GABRP: variants seen among roughly 807,000 people sequenced by gnomAD.
GABRP encodes gamma-aminobutyric acid type A receptor subunit pi.
A neutral mutation model predicts 47.8 loss-of-function variants in GABRP; 52 were observed. The observed-to-expected ratio is 1.09, with a 90% CI of 0.87 to 1.37. The LOEUF is 1.37. GABRP is among the 40% of genes most tolerant of loss of function. GABRP has a pLI of 0.00. For synonymous variants in GABRP, 221 were observed against 205.8 expected, an observed-to-expected ratio of 1.07 and a Z score of -0.63; for missense variants, 525 against 542.8, an observed-to-expected ratio of 0.97 and a Z score of 0.33.
rs751847592 is a variant in GABRP, at chr5:170,805,853, G to A, written c.679G>A (p.Gly227Arg). Reference sequence around the variant, plus strand: ...AGTCACCAGATCGCAGCAGGAGACAGGTAACTCATGTGACAAACTGTATGA... The same window carrying A: ...AGTCACCAGATCGCAGCAGGAGACAAGTAACTCATGTGACAAACTGTATGA... The part of the protein sequence containing the change: ...TLVTRSQQET[G>R]NYTRLVLQFE... Residue 227 changes from glycine (G) to arginine (R), a missense_variant and splice_region_variant, in exon 7 of 10, where the codon GGA becomes AGA. Physicochemically the swap from Gly to Arg is moderately radical, Grantham distance 125. Transcript: ENST00000265294. 8 of 1,613,678 alleles carry A rather than the reference G, an allele frequency of 5.0e-6. No homozygotes were observed. The highest frequency in any genetic ancestry group is 2.2e-5 in the South Asian group (2 of 90,994).
intron 6 of GABRP, among the ~76,000 whole-genome samples, chr5:170,797,859 C>CA (rs1175643570): frequency 5.9e-5 from 9 of 152,188 alleles, no homozygotes. Flanking sequence ...CTGGTGTGCC[C>CA]AATCCAGCCC....
intron 1 of GABRP, among the ~76,000 whole-genome samples, chr5:170,786,500 G>A (rs576315912): frequency 3.7e-4 from 56 of 152,318 alleles, no homozygotes; most frequent in Non-Finnish European, 1.3e-4. Flanking sequence ...GAGACACCTT[G>A]CAGCCATTAG....
intron 3 of GABRP, 130 bp from the exon 4 acceptor site, chr5:170,794,101 T>C: frequency 2.0e-6 from 1 of 489,376 alleles, no homozygotes; most frequent in South Asian, 6.3e-5. Flanking sequence ...TTTATATTTA[T>C]AGAATATTTA....
At chr5:170,795,134 C>A in intron 4 of GABRP, 74 bp from the exon 5 acceptor site, 2 of 1,061,164 alleles carry the variant, frequency 1.9e-6, no homozygotes, top group Non-Finnish European at 2.9e-6. Context: ...AAACTTTGAC[C>A]ACTTTCCTCC....
At chr5:170,797,577 A>T (rs764666839) in intron 6 of GABRP, 29 bp downstream of exon 6, 5 of 1,413,954 alleles carry the variant, frequency 3.5e-6, no homozygotes, top group Non-Finnish European at 5.0e-6. Flanking sequence ...GGCTCCTGAG[A>T]TGATTTTCCT....
chr5:170,805,775 G>A lies in GABRP; in HGVS notation c.601G>A (p.Gly201Arg). 6.2e-7 allele frequency: 1 copy of A among 1,614,156 alleles called. No homozygotes were observed. The highest frequency in any genetic ancestry group is 8.5e-7 in the Non-Finnish European group (1 of 1,180,022). Residue 201 changes from glycine (G) to arginine (R), a missense_variant, in exon 7 of 10, where the codon GGA (glycine) becomes AGA (arginine). Gly to Arg is a moderately radical substitution (Grantham distance 125). Coordinates refer to ENST00000265294, the MANE Select transcript of GABRP (RefSeq NM_014211.3). ...TWLRGNDSVR[G>R]LEHLRLAQYT... ...GCTGAGAGGGAACGACTCTGTGCGT[G>A]GACTGGAACACCTGCGGCTTGCTCA...
intron 5 of GABRP, among the ~76,000 whole-genome samples, chr5:170,796,061 A>T (rs1390657866): frequency 6.6e-6 from 1 of 152,224 alleles, no homozygotes; most frequent in Non-Finnish European, 1.5e-5. Flanking sequence ...TGGATGGAAC[A>T]GGACTCATCC....
At chr5:170,809,499 C>T (rs1457766918) in intron 8 of GABRP, 69 bp from the exon 9 acceptor site, 1 of 1,483,522 alleles carries the variant, frequency 6.7e-7, no homozygotes, top group East Asian at 2.3e-5. Flanking sequence ...CAAATGGGGA[C>T]ACTCTGCCAG....
chr5:170,788,062 A>C (rs909762607), intron 1 of GABRP: 2 of 152,276 alleles, frequency 1.3e-5, no homozygotes, highest in African/African-American at 4.8e-5. Flanking sequence ...TTTAAAACAT[A>C]ATCCTGGTCC....
chr5:170,796,711 G>T (rs560591264), intron 5 of GABRP, among the ~76,000 whole-genome samples: 3 of 152,330 alleles, frequency 2.0e-5, no homozygotes, highest in African/African-American at 4.8e-5. Flanking sequence ...CATAGCTATT[G>T]TTAGTCTCTG....
chr5:170,798,733 C>A (rs889214396), intron 6 of GABRP, among the ~76,000 whole-genome samples: 3 of 152,064 alleles, frequency 2.0e-5, no homozygotes, highest in Admixed American at 6.5e-5. Context: ...TCCAGGGCTA[C>A]ATTTTTAGGT....
At chr5:170,788,216 G>T (rs904759571) in intron 1 of GABRP, 17 of 161,996 alleles carry the variant, frequency 1.0e-4, no homozygotes, top group Admixed American at 2.5e-4. Flanking sequence ...AGGTGTGGTG[G>T]TACATGCCTG....
At chr5:170,791,132 A>G (rs1352946603) in intron 3 of GABRP, among the ~76,000 whole-genome samples, 2 of 152,112 alleles carry the variant, frequency 1.3e-5, no homozygotes, top group East Asian at 1.9e-4. Context: ...TTGTTTGCCT[A>G]CTCACTGGCC....
chr5:170,800,751 GC>G (rs1461615651), intron 6 of GABRP, among the ~76,000 whole-genome samples: 2 of 152,162 alleles, frequency 1.3e-5, no homozygotes, highest in Non-Finnish European at 2.9e-5. Context: ...TTCAAGACCA[GC>G]CTGGCCAAGA....
intron 6 of GABRP, among the ~76,000 whole-genome samples, chr5:170,799,407 A>G (rs1487444178): frequency 2.0e-5 from 3 of 152,182 alleles, no homozygotes; most frequent in Non-Finnish European, 4.4e-5. Flanking sequence ...ACAGTGTAAA[A>G]GTGTTCCTAT....
rs199700931 is a variant in GABRP, at chr5:170,795,238, C to T, written c.271C>T (p.Arg91Cys). 2.7e-5 allele frequency: 44 copies of T among 1,613,444 alleles called. No individual in the cohort carries two copies. The highest frequency in any genetic ancestry group is 2.0e-4 in the Admixed American group (12 of 59,966). Residue 91 changes from arginine to cysteine, a missense_variant, in exon 5 of 10, where the codon CGC becomes TGC. Physicochemically the swap from Arg to Cys is radical, Grantham distance 180. Transcript: ENST00000265294. Reference sequence around the variant, plus strand: ...CACAGCCACCATATACCTCCGACAGCGCTGGATGGACCAGCGGCTGGTGTT... The same window carrying T: ...CACAGCCACCATATACCTCCGACAGTGCTGGATGGACCAGCGGCTGGTGTT... ...DYTATIYLRQ[R>C]WMDQRLVFEG...
intron 7 of GABRP, 101 bp from the exon 8 acceptor site, chr5:170,808,499 C>T (rs1765792946): frequency 2.1e-6 from 2 of 973,802 alleles, no homozygotes; most frequent in African/African-American, 3.3e-5. Flanking sequence ...AGATTTAGAT[C>T]AATGACAGAG....
At chr5:170,795,485 T>A (rs1229254725) in intron 5 of GABRP, 60 bp downstream of exon 5, 1 of 1,380,332 alleles carries the variant, frequency 7.2e-7, no homozygotes, top group African/African-American at 1.4e-5. Context: ...AACATGCAGA[T>A]GTGTCTTGGG....
In GABRP at chr5:170,797,517, C is replaced by T; in HGVS notation, c.510C>T (p.Asp170=). The T allele has an allele frequency of 6.2e-7, 1 of 1,612,414 alleles. No individual in the cohort carries two copies. The change falls in exon 6 of 10, where the codon GAC becomes GAT. Residue 170 remains aspartate, a synonymous_variant. Coordinates refer to ENST00000265294, the MANE Select transcript of GABRP (RefSeq NM_014211.3). The stretch of plus-strand genomic sequence containing the variant: ...TGGATCTGTCTAAATACCCCATGGA[C>T]ACACAGACATGCAAGTTGCAGCTGG... ...CNMDLSKYPM[D]TQTCKLQLES...
Sources: allele counts gnomAD v4.1 joint callset (sites outside exome capture counted in the v4.1 genomes callset), GRCh38; gene constraint gnomAD v4.1.1; transcripts MANE v1.5; gene names NCBI Gene and HGNC (gene_info 2026-07-23, HGNC 2026-07-21).